Variants in THSD4 observed in about 807,000 individuals in gnomAD.
The protein encoded by THSD4 is thrombospondin type 1 domain containing 4, also known as thrombospondin type-1 domain-containing protein 4.
Under a neutral mutation model 119.0 loss-of-function variants are expected in THSD4, and 69 were observed. The observed-to-expected ratio is 0.58, with a 90% CI of 0.48 to 0.71. THSD4 has a LOEUF of 0.71. THSD4 is among the 30% of genes least tolerant of loss of function. The pLI is 0.00. For synonymous variants in THSD4, 524 were observed against 540.4 expected, an observed-to-expected ratio of 0.97 and a Z score of 0.42; for missense variants, 1,393 against 1,391.1, an observed-to-expected ratio of 1.00 and a Z score of -0.02.
At chr15:71,532,680 T>C (rs1000352084) in intron 7 of THSD4, among the ~76,000 whole-genome samples, 8 of 152,212 alleles carry the variant, frequency 5.3e-5, no homozygotes, top group Non-Finnish European at 7.3e-5. Flanking sequence ...CACCAGAGTG[T>C]TTGGTGCTGG....
intron 6 of THSD4, among the ~76,000 whole-genome samples, chr15:71,375,262 C>T (rs774262083): frequency 6.6e-5 from 10 of 152,142 alleles, no homozygotes; most frequent in African/African-American, 1.7e-4. Context: ...CATATGTGTG[C>T]GAAAGGGAAA....
intron 6 of THSD4, among the ~76,000 whole-genome samples, chr15:71,349,233 G>GAT (rs1431819815): frequency 6.6e-6 from 1 of 152,228 alleles, no homozygotes; most frequent in Non-Finnish European, 1.5e-5. Flanking sequence ...GATTAAAGTA[G>GAT]ATATGTTGTA....
chr15:71,688,248 C>T (rs2051959940), intron 8 of THSD4, among the ~76,000 whole-genome samples: 1 of 152,190 alleles, frequency 6.6e-6, no homozygotes, highest in African/African-American at 2.4e-5. Context: ...CAGAATTCTT[C>T]TGTTAATTTT....
At chr15:71,437,489 C>T (rs1460025638) in intron 7 of THSD4, among the ~76,000 whole-genome samples, 2 of 152,148 alleles carry the variant, frequency 1.3e-5, no homozygotes, top group African/African-American at 4.8e-5. Flanking sequence ...TCTTCTTTGG[C>T]AGGTGTGGAC....
At chr15:71,310,485 A>T (rs769953551) in intron 6 of THSD4, among the ~76,000 whole-genome samples, 2 of 152,218 alleles carry the variant, frequency 1.3e-5, no homozygotes, top group Admixed American at 1.3e-4. Context: ...TAGGTTCAAC[A>T]AAGTATGGAC....
At chr15:71,239,492 T>C (rs1439239784) in intron 4 of THSD4, among the ~76,000 whole-genome samples, 3 of 152,144 alleles carry the variant, frequency 2.0e-5, no homozygotes, top group Non-Finnish European at 4.4e-5. Context: ...AGGGTCCATG[T>C]CGTGAACCAC....
chr15:71,289,603 A>G (rs1276188723), intron 6 of THSD4, among the ~76,000 whole-genome samples: 2 of 152,140 alleles, frequency 1.3e-5, no homozygotes, highest in Non-Finnish European at 2.9e-5. Context: ...TGAGTATGTG[A>G]AGACATTAAG....
At chr15:71,748,044 C>T (rs1466795229) in intron 13 of THSD4, among the ~76,000 whole-genome samples, 2 of 152,108 alleles carry the variant, frequency 1.3e-5, no homozygotes, top group African/African-American at 2.4e-5. Context: ...CCCTTAACAT[C>T]AGTGCTGGTC....
At chr15:71,205,551 C>A (rs554290457) in intron 3 of THSD4, among the ~76,000 whole-genome samples, 1 of 152,284 alleles carries the variant, frequency 6.6e-6, no homozygotes, top group East Asian at 1.9e-4. Flanking sequence ...TGGTTTTGTG[C>A]AAATACATCA....
chr15:71,531,848 G>A (rs765462716), intron 7 of THSD4, among the ~76,000 whole-genome samples: 2 of 152,214 alleles, frequency 1.3e-5, no homozygotes, highest in African/African-American at 4.8e-5. Context: ...CTGGGCAGAA[G>A]ACGCCTGAAT....
rs143683314 is a variant in THSD4 at position 71,539,844 on chromosome 15, G to A, written c.1153-120686G>A. Reference sequence around the variant, plus strand: ...AGGCTATCTGTGTGCTGACTCTTGGGGCCACAGAGAAAAAGATGCATCTCT... The same window carrying A: ...AGGCTATCTGTGTGCTGACTCTTGGAGCCACAGAGAAAAAGATGCATCTCT... On this transcript the variant is annotated intron_variant, in intron 7 of 17. Coordinates refer to ENST00000261862, the MANE Select transcript of THSD4 (RefSeq NM_024817.3). Among the ~76,000 whole-genome samples the A allele has an allele frequency of 4.3e-3, 658 of 152,130 alleles. 3 individuals are homozygous for A. The highest frequency in any genetic ancestry group is 0.015 in the African/African-American group (642 of 41,498).
chr15:71,641,399 C>T (rs2050855772), intron 7 of THSD4, among the ~76,000 whole-genome samples: 3 of 151,850 alleles, frequency 2.0e-5, no homozygotes, highest in Non-Finnish European at 2.9e-5. Flanking sequence ...TCTTGTTAAA[C>T]CCCCCAGGTC....
At chr15:71,214,781 C>T (rs548569462) in intron 3 of THSD4, among the ~76,000 whole-genome samples, 2 of 152,278 alleles carry the variant, frequency 1.3e-5, no homozygotes, top group African/African-American at 2.4e-5. Flanking sequence ...CCTGAAACCG[C>T]GTGAGCCCTC....
intron 7 of THSD4, among the ~76,000 whole-genome samples, chr15:71,643,269 T>A (rs1279307193): frequency 1.3e-5 from 2 of 152,236 alleles, no homozygotes; most frequent in Non-Finnish European, 1.5e-5. Context: ...ACAAATTTTT[T>A]AAAACCACTA....
At chr15:71,194,173 C>T (rs2043700300) in intron 3 of THSD4, among the ~76,000 whole-genome samples, 2 of 152,138 alleles carry the variant, frequency 1.3e-5, no homozygotes, top group African/African-American at 4.8e-5. Flanking sequence ...TTCATAAATT[C>T]CCAGTCTCGG....
intron 7 of THSD4, among the ~76,000 whole-genome samples, chr15:71,442,667 T>TATATATATATATAC: frequency 1.2e-5 from 1 of 82,356 alleles, no homozygotes. Flanking sequence ...TGTGTATATA[T>TATATATATATATAC]ATATATATAT....
chr15:71,181,451 C>T (rs1197985976), intron 3 of THSD4, among the ~76,000 whole-genome samples: 2 of 152,192 alleles, frequency 1.3e-5, no homozygotes, highest in Non-Finnish European at 2.9e-5. Flanking sequence ...AGAACATCTT[C>T]AGGCTTTTAG....
intron 7 of THSD4, among the ~76,000 whole-genome samples, chr15:71,560,483 T>C (rs1243071900): frequency 6.6e-6 from 1 of 152,178 alleles, no homozygotes; most frequent in Non-Finnish European, 1.5e-5. Flanking sequence ...TCACACTCTT[T>C]TGTGAGATCA....
At chr15:71,603,810 A>T (rs1002195833) in intron 7 of THSD4, among the ~76,000 whole-genome samples, 7 of 152,164 alleles carry the variant, frequency 4.6e-5, no homozygotes, top group African/African-American at 1.7e-4. Context: ...CTGTTATTGG[A>T]AGGTTCTTCT....
Sources: allele counts gnomAD v4.1 joint callset (sites outside exome capture counted in the v4.1 genomes callset), GRCh38; gene constraint gnomAD v4.1.1; transcripts MANE v1.5; gene names NCBI Gene and HGNC (gene_info 2026-07-23, HGNC 2026-07-21).